The following TBC1D5 variants were observed in gnomAD, a reference collection of about 807,000 sequenced individuals.
The protein encoded by TBC1D5 is TBC1 domain family member 5.
Under a neutral mutation model 100.3 loss-of-function variants are expected in TBC1D5, and 75 were observed. The ratio of observed to expected loss-of-function variants is 0.75; its 90% CI spans 0.62 to 0.91. The LOEUF (loss-of-function observed/expected upper bound fraction) is 0.91. Ranked by LOEUF, TBC1D5 falls within the 40% of genes least tolerant of loss-of-function variation. TBC1D5 has a pLI of 0.00. For synonymous variants in TBC1D5, 323 were observed against 325.6 expected (o/e 0.99, Z 0.09); for missense variants, 910 against 942.4 (o/e 0.97, Z 0.45).
At chr3:17,569,363 A>G (rs1017064903) in intron 2 of TBC1D5, among the ~76,000 whole-genome samples, 2 of 151,880 alleles carry the variant, frequency 1.3e-5, no homozygotes, top group South Asian at 2.1e-4. Flanking sequence ...GTATGCTATA[A>G]AAGTACATGT....
At chr3:17,619,246 TTAC>T (rs2062447394) in intron 2 of TBC1D5, among the ~76,000 whole-genome samples, 1 of 152,108 alleles carries the variant, frequency 6.6e-6, no homozygotes, top group South Asian at 2.1e-4. Flanking sequence ...ATAAAGCTTT[TTAC>T]GGAGTTAGAC....
At chr3:17,730,463 C>G (rs897444585) in intron 1 of TBC1D5, among the ~76,000 whole-genome samples, 16 of 152,168 alleles carry the variant, frequency 1.1e-4, no homozygotes, top group African/African-American at 3.9e-4. Context: ...CCAGTCATGG[C>G]CAGGCCACAG....
chr3:17,520,388 G>C (rs926822477), intron 2 of TBC1D5, among the ~76,000 whole-genome samples: 1 of 152,152 alleles, frequency 6.6e-6, no homozygotes, highest in African/African-American at 2.4e-5. Context: ...AAGAGAAAGG[G>C]AGATGAAATT....
intron 1 of TBC1D5, among the ~76,000 whole-genome samples, chr3:17,722,156 A>C (rs1314263233): frequency 1.3e-5 from 2 of 151,876 alleles, no homozygotes; most frequent in Non-Finnish European, 2.9e-5. Flanking sequence ...AACGTCCTTA[A>C]CTCTTCTATA....
intron 21 of TBC1D5, 57 bp downstream of exon 22, chr3:17,166,710 C>T: frequency 6.4e-7 from 1 of 1,557,074 alleles, no homozygotes; most frequent in Non-Finnish European, 8.7e-7. Context: ...CTTTGAGGAA[C>T]TTATGTGAAT....
At chr3:17,508,446 A>G (rs978579185) in intron 3 of TBC1D5, 28 bp downstream of exon 3, 16 of 1,573,962 alleles carry the variant, frequency 1.0e-5, no homozygotes, top group Admixed American at 1.0e-4. Context: ...TACACTACCT[A>G]CAAATAGTAT....
At chr3:17,371,863 C>T (rs1259995067) in intron 13 of TBC1D5, among the ~76,000 whole-genome samples, 1 of 152,046 alleles carries the variant, frequency 6.6e-6, no homozygotes, top group Non-Finnish European at 1.5e-5. Context: ...CATGGTGAAA[C>T]CCTGTCTACC....
intron 2 of TBC1D5, among the ~76,000 whole-genome samples, chr3:17,563,988 T>C (rs1020254896): frequency 2.0e-5 from 3 of 152,200 alleles, no homozygotes; most frequent in Admixed American, 6.5e-5. Context: ...TTCACCGTGT[T>C]AGCCAGGATG....
At chr3:17,309,561 C>T (rs762952956) in intron 13 of TBC1D5, among the ~76,000 whole-genome samples, 19 of 151,848 alleles carry the variant, frequency 1.3e-4, no homozygotes, top group Non-Finnish European at 2.4e-4. Flanking sequence ...AATTTTTACT[C>T]CACTACTATT....
intron 3 of TBC1D5, among the ~76,000 whole-genome samples, chr3:17,453,898 T>C (rs2094986927): frequency 6.6e-6 from 1 of 152,020 alleles, no homozygotes; most frequent in African/African-American, 2.4e-5. Context: ...AACAATACAT[T>C]AAAAAGGTCA....
intron 19 of TBC1D5, among the ~76,000 whole-genome samples, chr3:17,179,702 C>G (rs2068224159): frequency 6.6e-6 from 1 of 152,178 alleles, no homozygotes. Context: ...CTTTAATATT[C>G]TACGATCCTA....
At chr3:17,574,472 TG>T (rs1273474472) in intron 2 of TBC1D5, among the ~76,000 whole-genome samples, 3 of 152,090 alleles carry the variant, frequency 2.0e-5, no homozygotes, top group Non-Finnish European at 4.4e-5. Context: ...TCAACCATGA[TG>T]CCCCAACACC....
chr3:17,591,286 T>C (rs959338435), intron 2 of TBC1D5, among the ~76,000 whole-genome samples: 1 of 107,750 alleles, frequency 9.3e-6, no homozygotes, highest in Admixed American at 1.0e-4. Flanking sequence ...CAGAGAATCA[T>C]GGCCCCTCAA....
At chr3:17,349,555 CAAG>C (rs747514602) in intron 13 of TBC1D5, among the ~76,000 whole-genome samples, 17 of 152,074 alleles carry the variant, frequency 1.1e-4, no homozygotes, top group Non-Finnish European at 2.2e-4. Flanking sequence ...AATACAAGTA[CAAG>C]AAGCTTACAA....
At chr3:17,508,441 T>C (rs2095866426) in intron 3 of TBC1D5, 33 bp downstream of exon 3, 2 of 1,556,506 alleles carry the variant, frequency 1.3e-6, no homozygotes, top group Non-Finnish European at 1.8e-6. Flanking sequence ...CCCAGTACAC[T>C]ACCTACAAAT....
chr3:17,698,749 T>G (rs1189339204), intron 1 of TBC1D5, among the ~76,000 whole-genome samples: 2 of 150,378 alleles, frequency 1.3e-5, no homozygotes, highest in African/African-American at 4.9e-5. Context: ...GAACCGACAC[T>G]TCTCAAAAGA....
intron 15 of TBC1D5, among the ~76,000 whole-genome samples, chr3:17,262,616 G>T (rs2149495912): frequency 6.6e-6 from 1 of 151,394 alleles, no homozygotes; most frequent in East Asian, 2.0e-4. Flanking sequence ...CGAGTAGCTG[G>T]GACTACAAGC....
At chr3:17,674,549 G>A (rs2068379024) in intron 1 of TBC1D5, among the ~76,000 whole-genome samples, 1 of 152,116 alleles carries the variant, frequency 6.6e-6, no homozygotes, top group African/African-American at 2.4e-5. Context: ...CTACTAGAGT[G>A]TGATCAAATC....
chr3:17,724,473 C>CA (rs2075959072), intron 1 of TBC1D5, among the ~76,000 whole-genome samples: 1 of 152,134 alleles, frequency 6.6e-6, no homozygotes, highest in Non-Finnish European at 1.5e-5. Flanking sequence ...CCTGTATAGT[C>CA]AGCTATCATT....
Sources: allele counts gnomAD v4.1 joint callset (sites outside exome capture counted in the v4.1 genomes callset), GRCh38; gene constraint gnomAD v4.1.1; transcripts MANE v1.5; gene names NCBI Gene and HGNC (gene_info 2026-07-23, HGNC 2026-07-21).